The following PFKM variants were observed in gnomAD, a reference collection of about 807,000 sequenced individuals.
PFKM encodes phosphofructokinase, muscle.
PFKM carries 58 observed loss-of-function variants against 95.5 expected under a neutral mutation model. The ratio of observed to expected loss-of-function variants is 0.61; its 90% CI spans 0.49 to 0.76. The LOEUF (loss-of-function observed/expected upper bound fraction) is 0.76. PFKM is among the 30% of genes least tolerant of loss of function. PFKM has a pLI of 0.00. For missense variants in PFKM, 678 were observed against 1,005.4 expected, an observed-to-expected ratio of 0.67 and a Z score of 4.40; for synonymous variants, 336 against 357.2, an observed-to-expected ratio of 0.94 and a Z score of 0.67.
At chr12:48,125,977 AT>A (rs943953608) in intron 2 of PFKM, among the ~76,000 whole-genome samples, 2 of 152,062 alleles carry the variant, frequency 1.3e-5, no homozygotes, top group Non-Finnish European at 2.9e-5. Context: ...CATTTATTAG[AT>A]TTTTTTTCTG....
rs1950621584 is a variant in PFKM, at chr12:48,142,061, T to C, written c.1648T>C (p.Cys550Arg). The C allele has an allele frequency of 1.2e-6, 2 of 1,614,176 alleles. No individual in the cohort carries two copies. The highest frequency in any genetic ancestry group is 8.5e-7 in the Non-Finnish European group (1 of 1,179,968). Residue 550 changes from cysteine to arginine, a missense_variant, in exon 17 of 23, where the codon TGC becomes CGC. By Grantham distance (180) the Cys-to-Arg change is radical (BLOSUM62 -3). Coordinates refer to ENST00000359794, the MANE Select transcript of PFKM (RefSeq NM_000289.6). ...VGADTALNTI[C>R]TTCDRIKQSA... Reference sequence around the variant, plus strand: ...GGCTGACACAGCACTCAATACTATCTGCACAGTGAGAGCCTATCACCACTT... The same window carrying C: ...GGCTGACACAGCACTCAATACTATCCGCACAGTGAGAGCCTATCACCACTT...
In PFKM at chr12:48,134,682, G is replaced by A. The variant is rs772823989; in HGVS notation, c.639-39G>A. The A allele has an allele frequency of 4.3e-6, 6 of 1,392,000 alleles. No individual in the cohort carries two copies. The African/African-American group carries it at 7.1e-5, about 16-fold the overall frequency. The allele number at this position is 1,392,000 out of a possible 1,614,324, so 86.2% of individuals were successfully genotyped here. A position where few individuals can be genotyped will look rare whatever the true frequency, so the allele number is the denominator to read the frequency against. On this transcript the variant is annotated intron_variant, in intron 7 of 22. Transcript: ENST00000359794. ...GGGTATGGGTGAGGCTATTTGTAGA[G>A]TACAACTTCTAGCAGGATGCTTCTG... is the stretch of plus-strand genomic sequence containing the variant.
At chr12:48,117,099 C>A (rs909830046), upstream of PFKM, among the ~76,000 whole-genome samples, 1 of 152,200 alleles carries the variant, frequency 6.6e-6, no homozygotes, top group Non-Finnish European at 1.5e-5. Context: ...TCCAGACTGT[C>A]ATACAGTTGG....
chr12:48,138,371 C>T (rs1000472192), intron 11 of PFKM, among the ~76,000 whole-genome samples: 1 of 152,090 alleles, frequency 6.6e-6, no homozygotes, highest in Non-Finnish European at 1.5e-5. Context: ...AAATGGTGGC[C>T]TTTATTATGA....
At chr12:48,109,311 C>T (rs1946979789) in intron 3 of PFKM, among the ~76,000 whole-genome samples, 1 of 149,914 alleles carries the variant, frequency 6.7e-6, no homozygotes, top group Non-Finnish European at 1.5e-5. Context: ...CTTTTCCTTC[C>T]TTCCTTCCTT....
rs757408588 is a variant in PFKM, at chr12:48,130,375, C to T, written c.98C>T (p.Ala33Val). 1 of 1,613,648 alleles carries T rather than the reference C, an allele frequency of 6.2e-7. No homozygotes were observed. Among genetic ancestry groups the T allele is most frequent in the Non-Finnish European group, 8.5e-7 (1 of 1,179,508 alleles). Residue 33 changes from alanine to valine, a missense_variant, in exon 3 of 23, where the codon GCT (alanine) becomes GTT (valine). Ala to Val is a moderately conservative substitution (Grantham distance 64). Coordinates refer to ENST00000359794, the MANE Select transcript of PFKM (RefSeq NM_000289.6). ...SGGDAQGMNA[A>V]VRAVVRVGIF... ...TCCCTCCTTTCAGGTATGAATGCTG[C>T]TGTCAGGGCTGTGGTTCGAGTTGGT... is the stretch of plus-strand genomic sequence containing the variant.
upstream of PFKM, chr12:48,105,881 G>C: frequency 1.6e-6 from 1 of 612,516 alleles, no homozygotes; most frequent in South Asian, 1.9e-5. Flanking sequence ...TGGTCCCAGG[G>C]GGCGGGGCAG....
At chr12:48,119,441 G>C in intron 1 of PFKM, 35 bp downstream of exon 1, 1 of 984,372 alleles carries the variant, frequency 1.0e-6, no homozygotes, top group African/African-American at 1.7e-5. Context: ...GCAAGGGGGA[G>C]AGCTGGGAGT....
At chr12:48,112,430 G>C (rs1947274917) in intron 3 of PFKM, among the ~76,000 whole-genome samples, 1 of 152,160 alleles carries the variant, frequency 6.6e-6, no homozygotes, top group South Asian at 2.1e-4. Context: ...TGTTGAGATA[G>C]GTAATGGATA....
At chr12:48,143,916 A>G (rs1950798754) in intron 19 of PFKM, 102 bp downstream of exon 19, 4 of 1,110,810 alleles carry the variant, frequency 3.6e-6, no homozygotes, top group Non-Finnish European at 4.2e-6. Flanking sequence ...ATCTGTAGAT[A>G]TAAAGGGAGG....
chr12:48,142,231 G>A (rs1950635912), intron 17 of PFKM, 165 bp downstream of exon 17: 2 of 747,232 alleles, frequency 2.7e-6, no homozygotes, highest in African/African-American at 3.4e-5. Context: ...CCAGCACTTT[G>A]GGAGGCCAAG....
intron 11 of PFKM, 133 bp downstream of exon 11, chr12:48,137,979 G>A (rs1592765904): frequency 1.0e-6 from 1 of 960,638 alleles, no homozygotes; most frequent in East Asian, 2.4e-5. Flanking sequence ...TAAGAGACAT[G>A]TGGGGAAAGA....
chr12:48,108,292 C>A, intron 3 of PFKM: 1 of 1,090,252 alleles, frequency 9.2e-7, no homozygotes, highest in Non-Finnish European at 1.3e-6. Flanking sequence ...CCTACTAAAG[C>A]TGAAATATAA....
Position 48,133,076 on chromosome 12 carries a change from C to G in PFKM, c.427+19C>G. The G allele has an allele frequency of 1.9e-6, 3 of 1,608,514 alleles. No individual in the cohort carries two copies. Among genetic ancestry groups the G allele is most frequent in the Non-Finnish European group, 2.6e-6 (3 of 1,174,870 alleles). On this transcript the variant is annotated intron_variant, in intron 5 of 22. Transcript: ENST00000359794. ...AAAGCAGGTAAGAGAGTTTTCACAT[C>G]AGTATTGCTTATTTGTGTCGGTACG...
intron 1 of PFKM, chr12:48,122,453 T>C: frequency 1.8e-6 from 1 of 541,886 alleles, no homozygotes; most frequent in Non-Finnish European, 2.7e-6. Flanking sequence ...CCTTTCTCAT[T>C]TCTATTCAGT....
chr12:48,120,574 C>T (rs1299557448), intron 1 of PFKM, among the ~76,000 whole-genome samples: 1 of 152,176 alleles, frequency 6.6e-6, no homozygotes, highest in Non-Finnish European at 1.5e-5. Context: ...TTTTAAACTG[C>T]AGGCTTATGA....
rs1366015798 is a variant in PFKM, at chr12:48,109,735, CT to C, written c.205+1544del. ...AAGTGGCCACTCTTAACCCTTTCAG[CT>C]TTCCTACTAGAGAAAGGAAATCTAA... On this transcript the variant is annotated intron_variant, in intron 3 of 24. Transcript: ENST00000340802. Among the ~76,000 whole-genome samples, 4 of 152,280 alleles carry C rather than the reference CT, an allele frequency of 2.6e-5. No homozygotes were observed. In the East Asian group the frequency reaches 7.7e-4, roughly 29 times the overall value.
At chr12:48,113,922 T>C (rs1947439953) in intron 3 of PFKM, among the ~76,000 whole-genome samples, 1 of 152,196 alleles carries the variant, frequency 6.6e-6, no homozygotes, top group Admixed American at 6.5e-5. Context: ...TAAGGGTTGC[T>C]GCTAAGCCGG....
chr12:48,135,267 C>G (rs1182437843), intron 9 of PFKM, 24 bp from the exon 10 acceptor site: 1 of 1,588,956 alleles, frequency 6.3e-7, no homozygotes, highest in Non-Finnish European at 8.6e-7. Flanking sequence ...AACCCTCTCT[C>G]TGTCCCTCTG....
Sources: gnomAD v4.1 joint callset for allele counts (sites outside exome capture counted in the v4.1 genomes callset) on GRCh38, gnomAD v4.1.1 for gene constraint, MANE v1.5 for transcripts, NCBI Gene and HGNC (gene_info 2026-07-23, HGNC 2026-07-21) for gene names.